The following GLIS1 variants were observed in gnomAD, a reference collection of about 807,000 sequenced individuals.
GLIS1 encodes GLIS family zinc finger 1.
A neutral mutation model predicts 63.8 loss-of-function variants in GLIS1; 24 were observed. The observed-to-expected ratio is 0.38, with a 90% CI of 0.27 to 0.53. The LOEUF (loss-of-function observed/expected upper bound fraction) is 0.53. Ranked by LOEUF, GLIS1 falls within the 20% of genes least tolerant of loss-of-function variation. The pLI, the probability that GLIS1 is intolerant of heterozygous loss-of-function variation, is 0.85. For synonymous variants in GLIS1, 450 were observed against 482.5 expected, an observed-to-expected ratio of 0.93 and a Z score of 0.88; for missense variants, 1,036 against 1,074.1, an observed-to-expected ratio of 0.96 and a Z score of 0.50.
chr1:53,702,312 T>C (rs1359060087), intron 2 of GLIS1, among the ~76,000 whole-genome samples: 1 of 152,202 alleles, frequency 6.6e-6, no homozygotes, highest in Non-Finnish European at 1.5e-5. Flanking sequence ...GAATAGAACC[T>C]ACTCACAGGG....
chr1:53,707,581 C>T (rs1646592971), intron 2 of GLIS1, among the ~76,000 whole-genome samples: 1 of 151,222 alleles, frequency 6.6e-6, no homozygotes, highest in African/African-American at 2.4e-5. Flanking sequence ...ACCTGGGAGG[C>T]GGAGGTTGCA....
At chr1:53,591,005 C>T (rs1057390349) in intron 4 of GLIS1, among the ~76,000 whole-genome samples, 3 of 152,134 alleles carry the variant, frequency 2.0e-5, no homozygotes, top group Admixed American at 6.5e-5. Context: ...GGAGGCTTAC[C>T]TCATGAAAGA....
At chr1:53,651,374 C>T (rs1405833543) in intron 2 of GLIS1, among the ~76,000 whole-genome samples, 2 of 152,204 alleles carry the variant, frequency 1.3e-5, no homozygotes, top group Admixed American at 1.3e-4. Flanking sequence ...GCTCCTACTG[C>T]CAGCCCTGCC....
chr1:53,690,807 C>A (rs927927798), intron 2 of GLIS1, among the ~76,000 whole-genome samples: 5 of 152,180 alleles, frequency 3.3e-5, no homozygotes. Flanking sequence ...GAGAACTGTC[C>A]AAGGGTGTGG....
rs776380380 is a variant in GLIS1 at position 53,594,581 on chromosome 1, G to T, written c.847C>A (p.Pro283Thr). The T allele has an allele frequency of 1.9e-5, 31 of 1,594,012 alleles. No individual in the cohort carries two copies. Among genetic ancestry groups the T allele is most frequent in the Non-Finnish European group, 2.6e-5 (30 of 1,166,598 alleles). ...GGGCCCCCCAGATCTCCCGTCAGAG[G>T]GGGGCTCCGGAGTCCATTTACACAG... is the stretch of plus-strand genomic sequence containing the variant. ...VTCVNGLRSP[P>T]LTGDLGGPSK... The change falls in exon 4 of 11, where the codon CCT becomes ACT. Residue 283 changes from proline to threonine, a missense_variant. Pro to Thr is a conservative substitution (Grantham distance 38). This residue lies in a region of GLIS1 where 592 missense variants were observed against 593.9 expected (regional missense o/e 1.00). Transcript: ENST00000628545.
chr1:53,593,258 T>C (rs1283322789), intron 4 of GLIS1, among the ~76,000 whole-genome samples: 9 of 152,188 alleles, frequency 5.9e-5, no homozygotes, highest in Admixed American at 5.9e-4. Context: ...GGCAGGCACC[T>C]CTCCTAGTGG....
chr1:53,555,511 T>C lies in GLIS1; in HGVS notation c.1321-25559A>G, dbSNP rs374721907. On this transcript the variant is annotated intron_variant, in intron 4 of 10. Transcript: ENST00000628545. ...CGCCACTACACTCCAGCCTGGGAGA[T>C]AGAGTGAGACTCTGTCTCAAAAAAA... Among the ~76,000 whole-genome samples, 5 of 152,168 alleles carry C rather than the reference T, an allele frequency of 3.3e-5. 1 individual carries two copies. The highest frequency in any genetic ancestry group is 2.4e-5 in the African/African-American group (1 of 41,514).
rs757249363 is a variant in GLIS1, at chr1:53,506,598, C to T, written c.*21G>A. The T allele has an allele frequency of 6.8e-6, 11 of 1,611,542 alleles. No homozygotes were observed. In the Middle Eastern group the frequency reaches 5.0e-4, roughly 73 times the overall value. On this transcript the variant is annotated 3_prime_UTR_variant, in exon 11 of 11. Coordinates refer to ENST00000628545, the MANE Select transcript of GLIS1 (RefSeq NM_001367484.1). ...GGTGGCATCTGCAGTGCTGGATGGG[C>T]AGGCGCATGTGGGGGCTCCTTCAGG...
At chr1:53,658,685 A>G (rs1387247312) in intron 2 of GLIS1, among the ~76,000 whole-genome samples, 3 of 152,100 alleles carry the variant, frequency 2.0e-5, no homozygotes, top group Non-Finnish European at 4.4e-5. Flanking sequence ...TTGCACTCCC[A>G]CTAGCCTGAC....
intron 4 of GLIS1, among the ~76,000 whole-genome samples, chr1:53,580,299 C>T (rs1374710350): frequency 6.6e-6 from 1 of 152,228 alleles, no homozygotes; most frequent in Non-Finnish European, 1.5e-5. Context: ...CCTCCCTTTC[C>T]CGAGCCCTAC....
At chr1:53,619,340 C>A (rs1026832862) in intron 2 of GLIS1, among the ~76,000 whole-genome samples, 3 of 152,208 alleles carry the variant, frequency 2.0e-5, no homozygotes, top group African/African-American at 7.2e-5. Flanking sequence ...AGGTGCACAC[C>A]TGCCTTCCCT....
intron 2 of GLIS1, among the ~76,000 whole-genome samples, chr1:53,638,476 G>A (rs1432918070): frequency 1.3e-5 from 2 of 152,200 alleles, no homozygotes; most frequent in Non-Finnish European, 2.9e-5. Flanking sequence ...ACTACAGAGA[G>A]TGAGAATCTA....
intron 7 of GLIS1, 106 bp from the exon 8 acceptor site, chr1:53,514,887 G>A (rs951614865): frequency 7.5e-7 from 1 of 1,336,886 alleles, no homozygotes; most frequent in Non-Finnish European, 1.0e-6. Context: ...AAAGACAAGA[G>A]GGAAAATGAA....
chr1:53,576,675 A>C (rs543011828), intron 4 of GLIS1, among the ~76,000 whole-genome samples: 1 of 152,156 alleles, frequency 6.6e-6, no homozygotes, highest in East Asian at 1.9e-4. Context: ...CCTGGATTCC[A>C]GCTGCTAAGA....
intron 2 of GLIS1, among the ~76,000 whole-genome samples, chr1:53,610,514 T>C (rs1645414849): frequency 6.6e-6 from 1 of 152,244 alleles, no homozygotes; most frequent in African/African-American, 2.4e-5. Context: ...GTTAAGAATT[T>C]CATAATTTCT....
intron 2 of GLIS1, among the ~76,000 whole-genome samples, chr1:53,695,900 C>T (rs75907456): frequency 0.012 from 1,774 of 152,334 alleles, 28 homozygotes; most frequent in African/African-American, 0.041. Context: ...TTAGGAGAGG[C>T]TCAGGTCTGC....
At chr1:53,523,769 TC>T (rs774372634) in intron 6 of GLIS1, among the ~76,000 whole-genome samples, 1 of 152,022 alleles carries the variant, frequency 6.6e-6, no homozygotes, top group Non-Finnish European at 1.5e-5. Context: ...CAAAACAGCA[TC>T]CCCAACCCAT....
intron 5 of GLIS1, among the ~76,000 whole-genome samples, chr1:53,528,936 T>G (rs1644499465): frequency 6.6e-6 from 1 of 152,060 alleles, no homozygotes; most frequent in South Asian, 2.1e-4. Flanking sequence ...CTCAGGCACG[T>G]GCCCCTCACC....
At chr1:53,562,920 T>C (rs1039403401) in intron 4 of GLIS1, among the ~76,000 whole-genome samples, 2 of 152,196 alleles carry the variant, frequency 1.3e-5, no homozygotes, top group Non-Finnish European at 2.9e-5. Flanking sequence ...TACAATGACG[T>C]GTAGAGTAGC....
Sources: allele counts gnomAD v4.1 joint callset (sites outside exome capture counted in the v4.1 genomes callset), GRCh38; gene constraint gnomAD v4.1.1; regional missense constraint gnomAD v4.1.1; transcripts MANE v1.5; gene names NCBI Gene and HGNC (gene_info 2026-07-23, HGNC 2026-07-21).